The following SLIT3 variants were observed in gnomAD, a reference collection of about 807,000 sequenced individuals.
The protein encoded by SLIT3 is slit guidance ligand 3, also known as slit homolog 3 protein.
SLIT3 carries 68 observed loss-of-function variants against 184.0 expected under a neutral mutation model. The ratio of observed to expected loss-of-function variants is 0.37; its 90% CI spans 0.30 to 0.45. SLIT3 has a LOEUF of 0.45. Among genes scored for constraint, SLIT3 ranks in the 20% least tolerant of loss-of-function variants. The pLI is 1.00. For missense variants in SLIT3, 1,707 were observed against 2,026.0 expected, an observed-to-expected ratio of 0.84 and a Z score of 3.02; for synonymous variants, 831 against 828.6, an observed-to-expected ratio of 1.00 and a Z score of -0.05.
At chr5:168,894,696 G>A (rs867103699) in intron 4 of SLIT3, among the ~76,000 whole-genome samples, 12 of 152,252 alleles carry the variant, frequency 7.9e-5, no homozygotes, top group Middle Eastern at 3.4e-3. Flanking sequence ...TTGATTTTTC[G>A]GAATACAGAT....
At chr5:169,213,642 C>T (rs2113516598) in intron 3 of SLIT3, among the ~76,000 whole-genome samples, 1 of 152,300 alleles carries the variant, frequency 6.6e-6, no homozygotes, top group East Asian at 1.9e-4. Context: ...CTCTGACTCA[C>T]TCCCCTGCTT....
At chr5:168,679,000 T>A (rs1372556185) in intron 32 of SLIT3, among the ~76,000 whole-genome samples, 1 of 152,220 alleles carries the variant, frequency 6.6e-6, no homozygotes, top group African/African-American at 2.4e-5. Flanking sequence ...GGACGCATCC[T>A]GCCTGGAACT....
At chr5:169,219,351 C>A (rs180745815) in intron 3 of SLIT3, among the ~76,000 whole-genome samples, 1 of 152,214 alleles carries the variant, frequency 6.6e-6, no homozygotes, top group Non-Finnish European at 1.5e-5. Context: ...TTTAATCCCC[C>A]AACATGCCTA....
At chr5:168,977,615 G>A (rs570312311) in intron 4 of SLIT3, among the ~76,000 whole-genome samples, 4 of 152,134 alleles carry the variant, frequency 2.6e-5, no homozygotes, top group African/African-American at 7.2e-5. Flanking sequence ...GTTCACTAGC[G>A]CTGATGCCTG....
chr5:169,004,036 C>T (rs1755818993), intron 4 of SLIT3, among the ~76,000 whole-genome samples: 1 of 152,132 alleles, frequency 6.6e-6, no homozygotes, highest in Admixed American at 6.5e-5. Flanking sequence ...AAGAATTATT[C>T]CCTTCCTCTA....
chr5:168,980,812 C>T (rs1754920934), intron 4 of SLIT3, among the ~76,000 whole-genome samples: 1 of 152,096 alleles, frequency 6.6e-6, no homozygotes, highest in South Asian at 2.1e-4. Context: ...CAATAGAATA[C>T]CATGCAAGTA....
chr5:168,736,753 GA>G (rs1310569070), intron 20 of SLIT3, among the ~76,000 whole-genome samples: 2 of 148,944 alleles, frequency 1.3e-5, no homozygotes, highest in African/African-American at 5.2e-5. Context: ...CAGTTTTCAA[GA>G]GGACCCATGT....
intron 4 of SLIT3, among the ~76,000 whole-genome samples, chr5:168,984,470 T>C (rs1755056428): frequency 6.6e-6 from 1 of 152,214 alleles, no homozygotes; most frequent in Admixed American, 6.5e-5. Context: ...TCACTTTGTC[T>C]TTTAACCATT....
chr5:169,053,157 C>T (rs912275427), intron 4 of SLIT3, among the ~76,000 whole-genome samples: 4 of 152,190 alleles, frequency 2.6e-5, no homozygotes, highest in Non-Finnish European at 5.9e-5. Flanking sequence ...GTTGGATTCC[C>T]TTTTCTAAGG....
chr5:168,940,192 G>T (rs942859771), intron 4 of SLIT3, among the ~76,000 whole-genome samples: 1 of 152,204 alleles, frequency 6.6e-6, no homozygotes, highest in Non-Finnish European at 1.5e-5. Flanking sequence ...TAACAGGTTT[G>T]CTCTGTTCAA....
At chr5:168,825,948 C>T (rs534313973) in intron 6 of SLIT3, among the ~76,000 whole-genome samples, 1 of 152,324 alleles carries the variant, frequency 6.6e-6, no homozygotes, top group South Asian at 2.1e-4. Flanking sequence ...AGGTTGTTGA[C>T]TGACCACCAG....
chr5:169,144,357 C>T (rs1052375467), intron 4 of SLIT3, among the ~76,000 whole-genome samples: 1 of 152,168 alleles, frequency 6.6e-6, no homozygotes, highest in Non-Finnish European at 1.5e-5. Flanking sequence ...CTGTCATGGC[C>T]CCTGCTTTAC....
chr5:168,777,085 ACACACACACACACACACACACCCC>A (rs1381268312), intron 12 of SLIT3, among the ~76,000 whole-genome samples: 2 of 64,654 alleles, frequency 3.1e-5, no homozygotes, highest in South Asian at 6.9e-4. Context: ...ACACACACAC[ACACACACACACACACACACACCCC>A]CCATACCACA....
chr5:168,676,835 G>A (rs1160304327), intron 32 of SLIT3, among the ~76,000 whole-genome samples: 1 of 152,014 alleles, frequency 6.6e-6, no homozygotes, highest in Non-Finnish European at 1.5e-5. Context: ...TCCCATTACA[G>A]ACACACACAC....
chr5:169,236,473 GTTTTGTT>G (rs1321276193), intron 3 of SLIT3, among the ~76,000 whole-genome samples: 1 of 108,334 alleles, frequency 9.2e-6, no homozygotes, highest in Non-Finnish European at 2.0e-5. Context: ...AAAGTGTTTT[GTTTTGTT>G]TTTTTTTTTT....
At chr5:168,948,249 G>A (rs1288482766) in intron 4 of SLIT3, among the ~76,000 whole-genome samples, 3 of 152,188 alleles carry the variant, frequency 2.0e-5, no homozygotes, top group Non-Finnish European at 4.4e-5. Flanking sequence ...CACAGTGGGT[G>A]CTTGCCCACT....
At chr5:168,801,497 T>C (rs972628226) in intron 9 of SLIT3, among the ~76,000 whole-genome samples, 2 of 152,168 alleles carry the variant, frequency 1.3e-5, no homozygotes, top group African/African-American at 2.4e-5. Context: ...AGCCTGTCCA[T>C]AGCCCTTCTT....
At chr5:169,210,218 C>G (rs1764215362) in intron 3 of SLIT3, among the ~76,000 whole-genome samples, 1 of 152,044 alleles carries the variant, frequency 6.6e-6, no homozygotes, top group East Asian at 1.9e-4. Flanking sequence ...AGAGGTAAGG[C>G]CAGACAGGTA....
At chr5:168,784,559 GC>G (rs1483652546) in intron 12 of SLIT3, among the ~76,000 whole-genome samples, 1 of 152,188 alleles carries the variant, frequency 6.6e-6, no homozygotes, top group East Asian at 1.9e-4. Context: ...TCACATTAGT[GC>G]GTGTTCTGGG....
Sources: allele counts gnomAD v4.1 joint callset (sites outside exome capture counted in the v4.1 genomes callset), GRCh38; gene constraint gnomAD v4.1.1; transcripts MANE v1.5; gene names NCBI Gene and HGNC (gene_info 2026-07-23, HGNC 2026-07-21).